NSRP1: variants seen among roughly 807,000 people sequenced by gnomAD.
The protein encoded by NSRP1 is coiled-coil domain containing 55.
Under a neutral mutation model 54.7 loss-of-function variants are expected in NSRP1, and 24 were observed. The observed-to-expected ratio is 0.44, with a 90% CI of 0.32 to 0.62. The LOEUF (loss-of-function observed/expected upper bound fraction) is 0.62, where lower values mean the gene tolerates loss of function less well. NSRP1 is among the 20% of genes least tolerant of loss of function. NSRP1 has a pLI of 0.06. For missense variants in NSRP1, 596 were observed against 651.2 expected, an observed-to-expected ratio of 0.92 and a Z score of 0.92; for synonymous variants, 210 against 213.8, an observed-to-expected ratio of 0.98 and a Z score of 0.15.
intron 6 of NSRP1, 68 bp downstream of exon 6, chr17:30,181,084 T>G: frequency 1.0e-6 from 1 of 986,894 alleles, no homozygotes; most frequent in Non-Finnish European, 1.6e-6. Context: ...TGGGGTCATT[T>G]TAACCCTCTG....
chr17:30,182,937 AAATAAT>A (rs976126775), intron 6 of NSRP1, among the ~76,000 whole-genome samples: 1 of 152,008 alleles, frequency 6.6e-6, no homozygotes, highest in Non-Finnish European at 1.5e-5. Context: ...CTGTCTCAAA[AAATAAT>A]AATAATAAAT....
rs1296706165 is a variant in NSRP1, at chr17:30,122,371, A to G, written c.114+4198A>G. ...TGGTTTCATATATATATATATATAT[A>G]TATATATATATATATTTTTTTTTTT... On this transcript the variant is annotated intron_variant, in intron 2 of 6. Transcript: ENST00000247026. 2.1e-3 allele frequency: 57 copies of G among 26,948 alleles called. 1 individual carries two copies. Among genetic ancestry groups the G allele is most frequent in the African/African-American group, 4.3e-3 (55 of 12,892 alleles). The allele number at this position is 26,948 out of a possible 1,614,324, so 1.7% of individuals were successfully genotyped here.
At chr17:30,163,453 C>G (rs1226443419) in intron 2 of NSRP1, among the ~76,000 whole-genome samples, 1 of 151,928 alleles carries the variant, frequency 6.6e-6, no homozygotes, top group African/African-American at 2.4e-5. Context: ...GGTACATAGT[C>G]ATGTATTTTC....
chr17:30,131,875 A>C (rs2071703118), intron 2 of NSRP1, among the ~76,000 whole-genome samples: 2 of 152,208 alleles, frequency 1.3e-5, no homozygotes, highest in Non-Finnish European at 2.9e-5. Context: ...TTTATCAACT[A>C]AGTTTATGTA....
chr17:30,156,884 A>G lies in NSRP1; in HGVS notation c.115-15658A>G, dbSNP rs960836293. 7.2e-5 allele frequency among the ~76,000 whole-genome samples: 11 copies of G among 152,150 alleles called. No homozygotes were observed. The East Asian group carries it at 9.7e-4, about 13-fold the overall frequency. On this transcript the variant is annotated intron_variant, in intron 2 of 6. Transcript: ENST00000247026. ...TAAATATGCCACATTTTCTTTGTCA[A>G]TTCATATGTGATGGAGACTTAGGTT...
At chr17:30,136,173 A>G (rs1267730085) in intron 2 of NSRP1, among the ~76,000 whole-genome samples, 2 of 152,222 alleles carry the variant, frequency 1.3e-5, no homozygotes, top group East Asian at 3.9e-4. Context: ...AAAATTAAAA[A>G]CAAAAAACAA....
At chr17:30,146,340 T>C (rs555920165) in intron 2 of NSRP1, among the ~76,000 whole-genome samples, 8 of 152,354 alleles carry the variant, frequency 5.3e-5, no homozygotes, top group South Asian at 2.1e-4. Flanking sequence ...TTATAAGTTA[T>C]ATTAGTCTTT....
chr17:30,117,281 C>A lies in NSRP1; in HGVS notation c.20+418C>A, dbSNP rs1273006766. On this transcript the variant is annotated intron_variant, in intron 1 of 6. Transcript: ENST00000247026. ...TGGCAGAAGCTCAAGTCCTGATTCC[C>A]GCCCTTCCTTCTCGTTTTAGGAATA... The A allele has an allele frequency of 6.8e-6, 4 of 585,574 alleles. No individual in the cohort carries two copies. The Admixed American group carries it at 1.3e-4, about 19-fold the overall frequency. The allele number at this position is 585,574 out of a possible 1,614,324, so 36.3% of individuals were successfully genotyped here. A position where few individuals can be genotyped will look rare whatever the true frequency, so the allele number is the denominator to read the frequency against.
chr17:30,117,898 T>C lies in NSRP1; in HGVS notation c.21-182T>C, dbSNP rs2071557047. ...CACAAATGATCACTTAGAGTAGTAA[T>C]TATAGAATCTTACGGCATGTTAGAA... On this transcript the variant is annotated intron_variant, in intron 1 of 6. Coordinates refer to ENST00000247026, the MANE Select transcript of NSRP1 (RefSeq NM_032141.4). 1.7e-5 allele frequency: 9 copies of C among 527,166 alleles called. No homozygotes were observed. In the South Asian group the frequency reaches 2.4e-4, roughly 14 times the overall value. 32.7% of individuals were successfully genotyped at this position (527,166 alleles called of 1,614,324 possible). A position where few individuals can be genotyped will look rare whatever the true frequency, so the allele number is the denominator to read the frequency against.
chr17:30,117,013 G>T (rs370021971), intron 1 of NSRP1, 150 bp downstream of exon 1: 4 of 988,852 alleles, frequency 4.0e-6, no homozygotes, highest in Non-Finnish European at 6.3e-6. Flanking sequence ...GAGGAACATA[G>T]ATTCCCCTCC....
intron 2 of NSRP1, chr17:30,127,883 G>C (rs1238444900): frequency 7.5e-6 from 3 of 397,548 alleles, no homozygotes; most frequent in Non-Finnish European, 1.3e-5. Flanking sequence ...ACCCAGGATG[G>C]AGTGCAATTT....
intron 2 of NSRP1, among the ~76,000 whole-genome samples, chr17:30,138,749 C>A (rs2071771928): frequency 6.6e-6 from 1 of 151,918 alleles, no homozygotes; most frequent in Non-Finnish European, 1.5e-5. Context: ...CTGTTTCAGT[C>A]TTGAGGAACC....
chr17:30,181,099 A>G (rs1166706691), intron 6 of NSRP1, 83 bp downstream of exon 6: 2 of 865,818 alleles, frequency 2.3e-6, no homozygotes, highest in African/African-American at 1.7e-5. Flanking sequence ...CCTCTGAAAG[A>G]TGGAAGATTA....
At chr17:30,131,466 G>C (rs2071699125) in intron 2 of NSRP1, among the ~76,000 whole-genome samples, 1 of 152,202 alleles carries the variant, frequency 6.6e-6, no homozygotes. Context: ...AGCAAGTCAT[G>C]TAAGTTTTTT....
intron 2 of NSRP1, among the ~76,000 whole-genome samples, chr17:30,132,880 G>C (rs2071714102): frequency 1.3e-5 from 2 of 152,208 alleles, no homozygotes; most frequent in Non-Finnish European, 2.9e-5. Context: ...AAGGTTTTCA[G>C]TTTACTTGCC....
chr17:30,122,367 ATATATATATATATATATATTTTTTTTTT>A lies in NSRP1; in HGVS notation c.114+4196_114+4223del, dbSNP rs1488465662. The A allele has an allele frequency of 4.6e-3, 87 of 19,050 alleles. 2 individuals carry two copies. The highest frequency in any genetic ancestry group is 9.0e-3 in the Non-Finnish European group (76 of 8,422). The allele number at this position is 19,050 out of a possible 1,614,324, so 1.2% of individuals were successfully genotyped here. A position where few individuals can be genotyped will look rare whatever the true frequency, so the allele number is the denominator to read the frequency against. The stretch of plus-strand genomic sequence containing the variant: ...ACTCTGGTTTCATATATATATATAT[ATATATATATATATATATATTTTTTTTTT>A]TTTTTTTTTTTTTTTTTTTTTTTTT... On this transcript the variant is annotated intron_variant, in intron 2 of 6. Transcript: ENST00000247026.
intron 3 of NSRP1, among the ~76,000 whole-genome samples, chr17:30,174,489 T>C (rs1361824426): frequency 6.6e-6 from 1 of 152,240 alleles, no homozygotes; most frequent in Non-Finnish European, 1.5e-5. Flanking sequence ...AATGGGGTAC[T>C]TTAAACTATT....
chr17:30,181,398 C>CT (rs61484398), intron 6 of NSRP1, among the ~76,000 whole-genome samples: 314 of 121,886 alleles, frequency 2.6e-3, no homozygotes, highest in South Asian at 5.3e-3. Flanking sequence ...TTTCTTTTTT[C>CT]TTTTTTTTTT....
At chr17:30,126,434 A>C (rs893486646) in intron 2 of NSRP1, among the ~76,000 whole-genome samples, 4 of 152,062 alleles carry the variant, frequency 2.6e-5, no homozygotes, top group African/African-American at 9.7e-5. Flanking sequence ...GATTTTCCTC[A>C]CTGGAAAGAA....
Sources: allele counts gnomAD v4.1 joint callset (sites outside exome capture counted in the v4.1 genomes callset), GRCh38; gene constraint gnomAD v4.1.1; transcripts MANE v1.5; gene names NCBI Gene and HGNC (gene_info 2026-07-23, HGNC 2026-07-21).